RTL4: variants seen among roughly 807,000 people sequenced by gnomAD.
The protein encoded by RTL4 is retrotransposon Gag-like protein 4.
Under a neutral mutation model 5.3 loss-of-function variants are expected in RTL4, and 4 were observed. The ratio of observed to expected loss-of-function variants is 0.75; its 90% confidence interval spans 0.37 to 1.72. The LOEUF (loss-of-function observed/expected upper bound fraction) is 1.72, where lower values mean the gene tolerates loss of function less well. Ranked by LOEUF, RTL4 falls within the 40% of genes most tolerant of loss-of-function variation. The pLI is 0.04. For synonymous variants in RTL4, 98 were observed against 87.3 expected, an observed-to-expected ratio of 1.12 and a Z score of -0.68; for missense variants, 260 against 227.1, an observed-to-expected ratio of 1.14 and a Z score of -0.93.
At chrX:112,179,324 C>T in the RTL4 span, among the ~76,000 whole-genome samples, 1,577 of 110,251 alleles carry the variant, frequency 0.014, 8 homozygotes, top group African/African-American at 0.025. Flanking sequence ...AACCATTTTA[C>T]GTACTCACAT....
At chrX:112,429,301 T>C in the RTL4 span, among the ~76,000 whole-genome samples, 4 of 111,469 alleles carry the variant, frequency 3.6e-5, no homozygotes, top group Admixed American at 3.8e-4. Context: ...CTCTCCTTTC[T>C]TAGAATATTA....
chrX:112,381,925 G>C, the RTL4 span: 1 of 1,209,878 alleles, frequency 8.3e-7, no homozygotes, highest in Admixed American at 2.2e-5. Context: ...TGAAGGCCCA[G>C]GCCTTGAAGT....
chrX:112,116,035 G>A, the RTL4 span, among the ~76,000 whole-genome samples: 1 of 112,015 alleles, frequency 8.9e-6, no homozygotes, highest in Admixed American at 9.4e-5. Flanking sequence ...GTGGAAGCTG[G>A]TTAGAGGCAA....
At chrX:112,430,551 C>T in the RTL4 span, among the ~76,000 whole-genome samples, 4 of 111,601 alleles carry the variant, frequency 3.6e-5, no homozygotes, top group Non-Finnish European at 7.5e-5. Context: ...CTGACTCTGG[C>T]TCTGATGCTT....
At chrX:112,191,191 C>T in the RTL4 span, among the ~76,000 whole-genome samples, 2 of 111,768 alleles carry the variant, frequency 1.8e-5, no homozygotes, top group Non-Finnish European at 3.8e-5. Context: ...TGCTTCTTCT[C>T]GAAGTTCCCC....
At chrX:112,390,553 A>G in the RTL4 span, among the ~76,000 whole-genome samples, 2 of 110,642 alleles carry the variant, frequency 1.8e-5, no homozygotes, top group East Asian at 2.9e-4. Flanking sequence ...TTCATTTAGG[A>G]AGCTTAGTTT....
At chrX:112,329,467 T>C in the RTL4 span, among the ~76,000 whole-genome samples, 1 of 111,068 alleles carries the variant, frequency 9.0e-6, no homozygotes, top group East Asian at 2.8e-4. Context: ...AGGAAGAAGT[T>C]GAATCTCTGA....
At chrX:112,249,362 A>G in the RTL4 span, among the ~76,000 whole-genome samples, 1 of 111,045 alleles carries the variant, frequency 9.0e-6, no homozygotes, top group African/African-American at 3.3e-5. Flanking sequence ...TGAGATTCAG[A>G]CCAAGGGGTT....
the RTL4 span, among the ~76,000 whole-genome samples, chrX:112,192,976 G>T: frequency 1.2e-4 from 13 of 111,186 alleles, no homozygotes; most frequent in Non-Finnish European, 2.1e-4. Context: ...TTTATGTGGG[G>T]ATATTTTAAT....
At chrX:112,382,186 C>G in the RTL4 span, 1 of 1,196,686 alleles carries the variant, frequency 8.4e-7, no homozygotes, top group Non-Finnish European at 1.1e-6. Flanking sequence ...CACACCCAGT[C>G]TTCCCCAAGG....
At chrX:112,088,180 A>T in the RTL4 span, among the ~76,000 whole-genome samples, 1 of 108,882 alleles carries the variant, frequency 9.2e-6, no homozygotes, top group Non-Finnish European at 1.9e-5. Flanking sequence ...CCAAAAGAAG[A>T]TCCTGTATCC....
At chrX:112,418,818 A>G in the RTL4 span, among the ~76,000 whole-genome samples, 3 of 109,504 alleles carry the variant, frequency 2.7e-5, no homozygotes, top group Non-Finnish European at 5.7e-5. Context: ...GCAAAGTGAT[A>G]TAGTAGAGTC....
the RTL4 span, among the ~76,000 whole-genome samples, chrX:112,339,847 T>C: frequency 8.9e-6 from 1 of 112,738 alleles, no homozygotes; most frequent in Non-Finnish European, 1.9e-5. Context: ...TTAGGCTTTG[T>C]AGGATATATG....
chrX:112,224,139 C>T, the RTL4 span, among the ~76,000 whole-genome samples: 1 of 111,014 alleles, frequency 9.0e-6, no homozygotes, highest in African/African-American at 3.3e-5. Flanking sequence ...CAGACTGAGA[C>T]TGCTGGGCGG....
the RTL4 span, among the ~76,000 whole-genome samples, chrX:112,238,257 T>C: frequency 8.9e-6 from 1 of 112,210 alleles, no homozygotes; most frequent in African/African-American, 3.2e-5. Flanking sequence ...TTTATGTCTA[T>C]CACCATAAAC....
exon 1 of RTL4, chrX:112,455,640 A>C (rs1926829012): frequency 8.3e-7 from 1 of 1,208,330 alleles, no homozygotes; most frequent in East Asian, 3.0e-5. Flanking sequence ...CGGCAACGAC[A>C]AATAACACAG....
At chrX:112,140,712 A>C in the RTL4 span, among the ~76,000 whole-genome samples, 1 of 111,479 alleles carries the variant, frequency 9.0e-6, no homozygotes, top group Non-Finnish European at 1.9e-5. Context: ...ATACTATCAC[A>C]CTGGGGATTT....
At chrX:112,425,075 G>A in the RTL4 span, among the ~76,000 whole-genome samples, 39 of 111,095 alleles carry the variant, frequency 3.5e-4, no homozygotes, top group African/African-American at 1.1e-3. Context: ...TCCTCTGTGC[G>A]CTGCCTATTC....
chrX:112,395,040 G>C, the RTL4 span, among the ~76,000 whole-genome samples: 1 of 111,754 alleles, frequency 8.9e-6, no homozygotes, highest in South Asian at 3.7e-4. Context: ...TTTTCAGAAA[G>C]AGATGTTATC....
Sources: gnomAD v4.1 joint callset for allele counts (sites outside exome capture counted in the v4.1 genomes callset) on GRCh38, gnomAD v4.1.1 for gene constraint, MANE v1.5 for transcripts, NCBI Gene and HGNC (gene_info 2026-07-23, HGNC 2026-07-21) for gene names.